Variants in ASB3 observed in about 807,000 individuals in gnomAD.
The protein encoded by ASB3 is ankyrin repeat and SOCS box protein 3.
ASB3 carries 41 observed loss-of-function variants against 54.5 expected under a neutral mutation model. The ratio of observed to expected loss-of-function variants is 0.75; its 90% confidence interval spans 0.59 to 0.98. The LOEUF (loss-of-function observed/expected upper bound fraction) is 0.98. Ranked by LOEUF, ASB3 falls within the 50% of genes least tolerant of loss-of-function variation. The pLI is 0.00. For synonymous variants in ASB3, 266 were observed against 221.2 expected, an observed-to-expected ratio of 1.20 and a Z score of -1.80; for missense variants, 733 against 620.0, an observed-to-expected ratio of 1.18 and a Z score of -1.94.
chr2:53,766,767 GA>G (rs1227002247), intron 1 of ASB3, among the ~76,000 whole-genome samples: 4 of 152,150 alleles, frequency 2.6e-5, no homozygotes, highest in African/African-American at 9.6e-5. Context: ...CCACAACTTA[GA>G]GAAAATAGGA....
chr2:53,725,009 C>T (rs1670915376), intron 5 of ASB3, among the ~76,000 whole-genome samples: 1 of 152,060 alleles, frequency 6.6e-6, no homozygotes, highest in South Asian at 2.1e-4. Flanking sequence ...TTCACAATAG[C>T]AAAGACATGG....
chr2:53,685,576 T>C (rs777148230), intron 9 of ASB3, among the ~76,000 whole-genome samples: 14 of 152,234 alleles, frequency 9.2e-5, no homozygotes, highest in Non-Finnish European at 1.6e-4. Context: ...TTGTGGCCCA[T>C]TATCTTAACA....
intron 1 of ASB3, among the ~76,000 whole-genome samples, chr2:53,782,324 G>A (rs1258788681): frequency 6.6e-6 from 1 of 152,120 alleles, no homozygotes; most frequent in African/African-American, 2.4e-5. Flanking sequence ...ATTATGCTGA[G>A]GATTAAGCCA....
chr2:53,702,027 T>C (rs1255210287), intron 7 of ASB3, among the ~76,000 whole-genome samples: 1 of 152,202 alleles, frequency 6.6e-6, no homozygotes, highest in Non-Finnish European at 1.5e-5. Context: ...TTCCCAAACT[T>C]ATTTAACAAT....
intron 2 of ASB3, among the ~76,000 whole-genome samples, chr2:53,758,062 T>G (rs928366214): frequency 1.3e-5 from 2 of 152,044 alleles, no homozygotes; most frequent in Admixed American, 1.3e-4. Context: ...ATAGAAGTAG[T>G]AAAGAAAAAA....
At chr2:53,741,232 T>G (rs1044435343) in intron 3 of ASB3, among the ~76,000 whole-genome samples, 1 of 152,238 alleles carries the variant, frequency 6.6e-6, no homozygotes, top group African/African-American at 2.4e-5. Context: ...TATCATTAGT[T>G]GGCCAATGGC....
At chr2:53,703,839 C>A (rs1175971216) in intron 7 of ASB3, among the ~76,000 whole-genome samples, 1 of 152,136 alleles carries the variant, frequency 6.6e-6, no homozygotes, top group East Asian at 1.9e-4. Flanking sequence ...TTAATTACAA[C>A]AATCATACCA....
chr2:53,679,675 G>T (rs146989387), intron 9 of ASB3, among the ~76,000 whole-genome samples: 1 of 152,224 alleles, frequency 6.6e-6, no homozygotes, highest in East Asian at 1.9e-4. Context: ...CCACAACCCT[G>T]AATCCTTCCC....
chr2:53,688,754 G>T (rs1572846507), intron 9 of ASB3, among the ~76,000 whole-genome samples: 1 of 152,114 alleles, frequency 6.6e-6, no homozygotes, highest in African/African-American at 2.4e-5. Context: ...TGCACACAGG[G>T]AGGGGAACAT....
intron 1 of ASB3, among the ~76,000 whole-genome samples, chr2:53,772,152 C>T (rs1673966829): frequency 6.6e-6 from 1 of 151,558 alleles, no homozygotes; most frequent in African/African-American, 2.4e-5. Flanking sequence ...CAACAACGTA[C>T]AGACAAATAG....
chr2:53,724,596 T>C lies in ASB3; in HGVS notation c.604+4116A>G, dbSNP rs574514257. 4.7e-5 allele frequency among the ~76,000 whole-genome samples: 7 copies of C among 150,076 alleles called. No individual in the cohort carries two copies. The East Asian group carries it at 1.4e-3, about 29-fold the overall frequency. On this transcript the variant is annotated intron_variant, in intron 5 of 9. Transcript: ENST00000263634. ...CCTGGGCAACATAGCAAGACTCCAT[T>C]TCAAAAAAAAAAAAAAATTGGGCAA...
At chr2:53,738,864 A>G (rs1266955130) in intron 3 of ASB3, among the ~76,000 whole-genome samples, 2 of 152,242 alleles carry the variant, frequency 1.3e-5, no homozygotes, top group Non-Finnish European at 2.9e-5. Flanking sequence ...ATGAAATAAA[A>G]GACCGCATTT....
chr2:53,683,438 T>C (rs984466258), intron 9 of ASB3, among the ~76,000 whole-genome samples: 18 of 152,012 alleles, frequency 1.2e-4, no homozygotes, highest in Non-Finnish European at 1.8e-4. Context: ...TTTTGTTTTG[T>C]TTTGTTTTTG....
intron 9 of ASB3, among the ~76,000 whole-genome samples, chr2:53,671,735 G>A (rs181654960): frequency 2.0e-5 from 3 of 147,044 alleles, no homozygotes; most frequent in Admixed American, 1.3e-4. Context: ...CTCCAGCCTG[G>A]GCAACAAGAG....
chr2:53,713,814 G>A (rs534544464), intron 7 of ASB3, among the ~76,000 whole-genome samples: 6 of 152,224 alleles, frequency 3.9e-5, no homozygotes, highest in African/African-American at 1.4e-4. Flanking sequence ...TCTGGAGGCT[G>A]AGGTGGGAGG....
chr2:53,706,702 C>T (rs1172543473), intron 7 of ASB3, among the ~76,000 whole-genome samples: 1 of 152,172 alleles, frequency 6.6e-6, no homozygotes, highest in Non-Finnish European at 1.5e-5. Context: ...ACCTTGCCCT[C>T]CCAAGGTGCT....
intron 1 of ASB3, among the ~76,000 whole-genome samples, chr2:53,769,391 C>T (rs559624848): frequency 6.6e-6 from 1 of 152,242 alleles, no homozygotes; most frequent in East Asian, 1.9e-4. Flanking sequence ...TTATAATGAC[C>T]AAGTATTAAA....
intron 3 of ASB3, among the ~76,000 whole-genome samples, chr2:53,749,377 C>G (rs1672399047): frequency 1.3e-5 from 2 of 151,964 alleles, no homozygotes; most frequent in Non-Finnish European, 2.9e-5. Context: ...AAATGCAAAC[C>G]AGTAGAAAAA....
intron 7 of ASB3, among the ~76,000 whole-genome samples, chr2:53,703,221 G>A (rs917371345): frequency 5.3e-5 from 8 of 152,072 alleles, no homozygotes; most frequent in African/African-American, 1.9e-4. Flanking sequence ...CATTCGAGAT[G>A]GATTACTCAA....
Sources: allele counts gnomAD v4.1 joint callset (sites outside exome capture counted in the v4.1 genomes callset), GRCh38; gene constraint gnomAD v4.1.1; transcripts MANE v1.5; gene names NCBI Gene and HGNC (gene_info 2026-07-23, HGNC 2026-07-21).